The following ASPH variants were observed in gnomAD, a reference collection of about 807,000 sequenced individuals.
ASPH encodes aspartate beta-hydroxylase, also known as aspartyl/asparaginyl beta-hydroxylase.
A neutral mutation model predicts 118.4 loss-of-function variants in ASPH; 100 were observed. The ratio of observed to expected loss-of-function variants is 0.84; its 90% CI spans 0.72 to 1.00. The LOEUF (loss-of-function observed/expected upper bound fraction) is 1.00. ASPH is among the 50% of genes least tolerant of loss of function. ASPH has a pLI of 0.00. For synonymous variants in ASPH, 315 were observed against 325.6 expected (o/e 0.97, Z 0.35); for missense variants, 920 against 919.5 (o/e 1.00, Z -0.01).
At chr8:61,599,630 C>G (rs1213907240) in intron 14 of ASPH, among the ~76,000 whole-genome samples, 1 of 151,970 alleles carries the variant, frequency 6.6e-6, no homozygotes. Context: ...TCATCAGAGA[C>G]TATTATGAAC....
At chr8:61,568,680 C>T (rs1003576374) in intron 16 of ASPH, among the ~76,000 whole-genome samples, 2 of 151,928 alleles carry the variant, frequency 1.3e-5, no homozygotes, top group East Asian at 1.9e-4. Flanking sequence ...TAGAAGCAGT[C>T]GAGAGTGTAG....
chr8:61,559,453 TTC>T (rs1241222237), intron 18 of ASPH, among the ~76,000 whole-genome samples: 2 of 152,074 alleles, frequency 1.3e-5, no homozygotes, highest in Non-Finnish European at 1.5e-5. Context: ...GTCTCTCTCT[TTC>T]TCTCTCTCTA....
In ASPH at chr8:61,648,525, C is replaced by T. The variant is rs528562857; in HGVS notation, c.491-1647G>A. Among the ~76,000 whole-genome samples, 5 of 152,204 alleles carry T rather than the reference C, an allele frequency of 3.3e-5. No individual in the cohort carries two copies. The East Asian group carries it at 5.8e-4, about 18-fold the overall frequency. On this transcript the variant is annotated intron_variant, in intron 5 of 24. Coordinates refer to ENST00000379454, the MANE Select transcript of ASPH (RefSeq NM_004318.4). ...TTCTCTTTTTATTTTTATCATATTCCTCTTTCCTTATTCTTCTTTCATTCT... is the reference window on the plus strand; with the variant it reads ...TTCTCTTTTTATTTTTATCATATTCTTCTTTCCTTATTCTTCTTTCATTCT...
At chr8:61,517,931 C>G in intron 23 of ASPH, 101 bp downstream of exon 23, 1 of 1,244,086 alleles carries the variant, frequency 8.0e-7, no homozygotes. Flanking sequence ...TAAAAAGAGG[C>G]ATTCATTGGG....
chr8:61,712,499 C>T (rs1171842231), intron 1 of ASPH, among the ~76,000 whole-genome samples: 1 of 152,176 alleles, frequency 6.6e-6, no homozygotes, highest in Non-Finnish European at 1.5e-5. Flanking sequence ...GTTTTCGTAT[C>T]ACGGGCATTC....
At chr8:61,543,951 T>C (rs1765107870) in intron 21 of ASPH, among the ~76,000 whole-genome samples, 3 of 152,202 alleles carry the variant, frequency 2.0e-5, no homozygotes, top group Admixed American at 2.0e-4. Flanking sequence ...GAATAGAGCT[T>C]TTCTTGCAAG....
chr8:61,607,029 T>C (rs1470510398), intron 14 of ASPH: 4 of 436,226 alleles, frequency 9.2e-6, no homozygotes, highest in South Asian at 7.6e-5. Flanking sequence ...TTCCATCTCC[T>C]GCCAGCAGTG....
intron 2 of ASPH, among the ~76,000 whole-genome samples, chr8:61,682,141 G>A (rs895439890): frequency 1.3e-5 from 2 of 151,938 alleles, no homozygotes; most frequent in Non-Finnish European, 2.9e-5. Flanking sequence ...TGGTTAACTT[G>A]CTATATAGAA....
At chr8:61,699,629 G>C (rs1025451315) in intron 1 of ASPH, among the ~76,000 whole-genome samples, 7 of 151,966 alleles carry the variant, frequency 4.6e-5, no homozygotes, top group African/African-American at 1.7e-4. Context: ...TTAACTGTGA[G>C]TTTCACTCTA....
intron 14 of ASPH, among the ~76,000 whole-genome samples, chr8:61,615,167 C>T (rs539484442): frequency 3.9e-5 from 6 of 152,234 alleles, no homozygotes; most frequent in Admixed American, 3.3e-4. Flanking sequence ...CCCCTCATAC[C>T]TTCTTTACCA....
At chr8:61,562,984 C>G in intron 17 of ASPH, 104 bp from the exon 18 acceptor site, 1 of 1,191,806 alleles carries the variant, frequency 8.4e-7, no homozygotes, top group East Asian at 2.8e-5. Flanking sequence ...AGCCTGAGAA[C>G]CAGCTCAAAT....
At chr8:61,689,928 A>G (rs1832134493) in intron 1 of ASPH, 2 of 1,098,676 alleles carry the variant, frequency 1.8e-6, no homozygotes. Context: ...GCTGAAGTGC[A>G]CTCCCTAACA....
intron 6 of ASPH, 71 bp downstream of exon 6, chr8:61,646,679 T>G: frequency 1.4e-6 from 2 of 1,469,362 alleles, no homozygotes; most frequent in Non-Finnish European, 1.8e-6. Context: ...TAAAGGGGTT[T>G]AAGAAAAACT....
Position 61,598,886 on chromosome 8 carries a change from CT to C in ASPH, c.977-14858del, listed in dbSNP as rs1272726031. On this transcript the variant is annotated intron_variant, in intron 14 of 24. Transcript: ENST00000379454. ...TACATGAAAATTAAACAACATGCTC[CT>C]GAATGGCCACTGAGTCAATGAAAAA... Among the ~76,000 whole-genome samples, 6 of 152,182 alleles carry C rather than the reference CT, an allele frequency of 3.9e-5. No individual in the cohort carries two copies. The East Asian group carries it at 1.2e-3, about 29-fold the overall frequency.
At chr8:61,599,155 A>T (rs1843214069) in intron 14 of ASPH, among the ~76,000 whole-genome samples, 1 of 152,180 alleles carries the variant, frequency 6.6e-6, no homozygotes, top group South Asian at 2.1e-4. Flanking sequence ...GAGAAAAACT[A>T]AACAAAATAG....
Position 61,644,009 on chromosome 8 carries a change from T to G in ASPH, c.653-8A>C, listed in dbSNP as rs1254665086. On this transcript the variant is annotated splice_polypyrimidine_tract_variant and splice_region_variant and intron_variant, in intron 7 of 24. Coordinates refer to ENST00000379454, the MANE Select transcript of ASPH (RefSeq NM_004318.4). The stretch of plus-strand genomic sequence containing the variant: ...GATTACAGTCTTGTGAAACTATAAA[T>G]TATGGAATAATTAGGAAATTACGTC... The G allele has an allele frequency of 1.9e-6, 3 of 1,600,766 alleles. No homozygotes were observed. Among genetic ancestry groups the G allele is most frequent in the South Asian group, 2.2e-5 (2 of 90,176 alleles).
At chr8:61,539,541 C>G (rs1249297704) in intron 21 of ASPH, among the ~76,000 whole-genome samples, 1 of 152,086 alleles carries the variant, frequency 6.6e-6, no homozygotes, top group Non-Finnish European at 1.5e-5. Context: ...TACTTCTCCC[C>G]ACTCCTGAGA....
chr8:61,683,884 CCTT>C (rs1563578341), intron 2 of ASPH, 152 bp downstream of exon 2: 2 of 855,814 alleles, frequency 2.3e-6, no homozygotes, highest in African/African-American at 1.7e-5. Flanking sequence ...TCCAAGGTAA[CCTT>C]CTTCATATCC....
Position 61,653,631 on chromosome 8 carries a change from C to T in ASPH, c.352G>A (p.Ala118Thr). 1 of 1,613,924 alleles carries T rather than the reference C, an allele frequency of 6.2e-7. No homozygotes were observed. The highest frequency in any genetic ancestry group is 1.1e-5 in the South Asian group (1 of 91,066). The change falls in exon 4 of 25, where the codon GCA (alanine) becomes ACA (threonine). Residue 118 changes from alanine to threonine, a missense_variant. Physicochemically the swap from Ala to Thr is moderately conservative, Grantham distance 58. Coordinates refer to ENST00000379454, the MANE Select transcript of ASPH (RefSeq NM_004318.4). ...GGCTCAGCCTCTTCTGGCGGGACTG[C>T]TGGCTCTGAAGTAGATCTCTCTTTA... ...GLKERSTSEP[A>T]VPPEEAEPHT...
Sources: allele counts gnomAD v4.1 joint callset (sites outside exome capture counted in the v4.1 genomes callset), GRCh38; gene constraint gnomAD v4.1.1; transcripts MANE v1.5; gene names NCBI Gene and HGNC (gene_info 2026-07-23, HGNC 2026-07-21).